The following ACACA variants were observed in gnomAD, a reference collection of about 807,000 sequenced individuals.
ACACA encodes acetyl-CoA carboxylase alpha.
Under a neutral mutation model 296.1 loss-of-function variants are expected in ACACA, and 103 were observed. The ratio of observed to expected loss-of-function variants is 0.35; its 90% CI spans 0.30 to 0.41. ACACA has a LOEUF of 0.41. Among genes scored for constraint, ACACA ranks in the 10% least tolerant of loss-of-function variants. ACACA has a pLI of 1.00. For synonymous variants in ACACA, 953 were observed against 1,038.6 expected, an observed-to-expected ratio of 0.92 and a Z score of 1.58; for missense variants, 1,554 against 2,989.7, an observed-to-expected ratio of 0.52 and a Z score of 11.20.
At chr17:37,130,834 C>A (rs1398709519) in intron 45 of ACACA, among the ~76,000 whole-genome samples, 1 of 152,048 alleles carries the variant, frequency 6.6e-6, no homozygotes, top group African/African-American at 2.4e-5. Context: ...AGTGACAAGT[C>A]TCAGTTAAAG....
chr17:37,368,983 T>G (rs979823740), intron 1 of ACACA, among the ~76,000 whole-genome samples: 6 of 152,126 alleles, frequency 3.9e-5, no homozygotes, highest in African/African-American at 1.4e-4. Context: ...CTGGAGAAAC[T>G]TTCAAAACTG....
At chr17:37,112,204 C>A (rs1415590038) in intron 51 of ACACA, among the ~76,000 whole-genome samples, 1 of 152,102 alleles carries the variant, frequency 6.6e-6, no homozygotes, top group Non-Finnish European at 1.5e-5. Context: ...AGTCAAAGGT[C>A]TCAGGGTTAC....
chr17:37,287,204 A>G (rs2082816246), intron 3 of ACACA, among the ~76,000 whole-genome samples: 1 of 152,194 alleles, frequency 6.6e-6, no homozygotes, highest in South Asian at 2.1e-4. Flanking sequence ...TTGATGGGGC[A>G]GTAAGGTGTC....
chr17:37,362,722 G>A (rs2049449035), intron 1 of ACACA, among the ~76,000 whole-genome samples: 1 of 152,178 alleles, frequency 6.6e-6, no homozygotes. Flanking sequence ...TGTAATCCCA[G>A]CACTTTGGGA....
intron 1 of ACACA, among the ~76,000 whole-genome samples, chr17:37,368,215 T>C (rs986596292): frequency 6.6e-6 from 1 of 152,224 alleles, no homozygotes; most frequent in African/African-American, 2.4e-5. Context: ...GAGGTTGCAG[T>C]GAGCCGTGTT....
At chr17:37,355,332 T>C (rs1043340428) in intron 1 of ACACA, among the ~76,000 whole-genome samples, 3 of 151,114 alleles carry the variant, frequency 2.0e-5, no homozygotes, top group African/African-American at 4.9e-5. Flanking sequence ...CCGAAGTGGG[T>C]GGATCACAAG....
intron 1 of ACACA, among the ~76,000 whole-genome samples, chr17:37,356,066 G>T (rs531238075): frequency 2.0e-5 from 3 of 151,892 alleles, no homozygotes; most frequent in African/African-American, 7.3e-5. Context: ...AGCTACTCAG[G>T]GGGGTGAGGC....
chr17:37,276,549 A>G (rs2146484832), intron 7 of ACACA, among the ~76,000 whole-genome samples: 1 of 152,294 alleles, frequency 6.6e-6, no homozygotes, highest in East Asian at 1.9e-4. Context: ...GAGCTATATA[A>G]CCTCTGTTTT....
Position 37,213,271 on chromosome 17 carries a change from G to A in ACACA, c.3684-2781C>T, listed in dbSNP as rs147041617. On this transcript the variant is annotated intron_variant, in intron 29 of 55. Transcript: ENST00000616317. Reference sequence around the variant, plus strand: ...CTCCGAAGGTTGAGGTGGAAGGATCGCTTGAGCCAGGAGGCTGAGGTTGCA... The same window carrying A: ...CTCCGAAGGTTGAGGTGGAAGGATCACTTGAGCCAGGAGGCTGAGGTTGCA... 8.8e-3 allele frequency among the ~76,000 whole-genome samples: 1,322 copies of A among 150,100 alleles called. 17 individuals carry two copies. The highest frequency in any genetic ancestry group is 0.012 in the Non-Finnish European group (840 of 67,732).
At chr17:37,339,158 A>T (rs1482133886) in intron 2 of ACACA, among the ~76,000 whole-genome samples, 1 of 152,250 alleles carries the variant, frequency 6.6e-6, no homozygotes, top group Non-Finnish European at 1.5e-5. Context: ...ATAAAATCCC[A>T]TCCCAACTAA....
At chr17:37,397,030 C>T (rs1374400155) in intron 1 of ACACA, among the ~76,000 whole-genome samples, 2 of 151,986 alleles carry the variant, frequency 1.3e-5, no homozygotes, top group Non-Finnish European at 2.9e-5. Context: ...AATGCTATCC[C>T]TCCCCCATCC....
rs537039456 is a variant in ACACA at position 37,122,745 on chromosome 17, G to A, written c.6042-118C>T. The A allele has an allele frequency of 6.1e-6, 5 of 822,726 alleles. No individual in the cohort carries two copies. In the South Asian group the frequency reaches 6.9e-5, roughly 11 times the overall value. 51.0% of individuals were successfully genotyped at this position (822,726 alleles called of 1,614,324 possible). ...AAACTAGAAACAAACACAGAGAGCA[G>A]GGGAAATCTGATTCTTCTATGAGTT... is the stretch of plus-strand genomic sequence containing the variant. On this transcript the variant is annotated intron_variant, in intron 48 of 55. Coordinates refer to ENST00000616317, the MANE Select transcript of ACACA (RefSeq NM_198834.3).
At chr17:37,394,021 G>C (rs754170709) in intron 1 of ACACA, among the ~76,000 whole-genome samples, 24 of 152,070 alleles carry the variant, frequency 1.6e-4, no homozygotes, top group Non-Finnish European at 2.2e-4. Context: ...TAAAAACAGA[G>C]ATGGGAGAGA....
rs959231402 is a variant in ACACA at position 37,252,121 on chromosome 17, A to C, written c.1978-13T>G. ...CAGGTCGCTCAGCCTGAAAGGAGGA[A>C]AAAGAGGGCAGATCAAATGCATGGT... On this transcript the variant is annotated splice_polypyrimidine_tract_variant and intron_variant, in intron 15 of 55. Transcript: ENST00000616317. 3.7e-6 allele frequency: 6 copies of C among 1,610,738 alleles called. No homozygotes were observed. In the Admixed American group the frequency reaches 6.7e-5, roughly 18 times the overall value.
chr17:37,170,554 T>A (rs972229312), intron 41 of ACACA, among the ~76,000 whole-genome samples: 1 of 152,162 alleles, frequency 6.6e-6, no homozygotes, highest in African/African-American at 2.4e-5. Context: ...TGATTAGGAT[T>A]CTGCCCTGAG....
At chr17:37,320,268 T>G (rs1448005790) in intron 3 of ACACA, among the ~76,000 whole-genome samples, 1 of 151,916 alleles carries the variant, frequency 6.6e-6, no homozygotes, top group Non-Finnish European at 1.5e-5. Flanking sequence ...TCCTAGCACT[T>G]TGGGAGGCTG....
chr17:37,297,795 C>T (rs561461491), intron 3 of ACACA, among the ~76,000 whole-genome samples: 2 of 152,040 alleles, frequency 1.3e-5, no homozygotes, highest in African/African-American at 2.4e-5. Context: ...AGGTGATCCA[C>T]CCGCCTTGGC....
intron 50 of ACACA, among the ~76,000 whole-genome samples, chr17:37,120,584 C>A (rs1375059204): frequency 6.6e-6 from 1 of 152,122 alleles, no homozygotes; most frequent in Non-Finnish European, 1.5e-5. Flanking sequence ...TGCTTTAGAA[C>A]CCCAAATTCT....
At chr17:37,183,672 CA>C (rs959828851) in intron 39 of ACACA, among the ~76,000 whole-genome samples, 14 of 150,526 alleles carry the variant, frequency 9.3e-5, no homozygotes, top group Admixed American at 2.0e-4. Context: ...ACTAAAAATA[CA>C]AAAAAAAGGC....
Sources: gnomAD v4.1 joint callset for allele counts (sites outside exome capture counted in the v4.1 genomes callset) on GRCh38, gnomAD v4.1.1 for gene constraint, MANE v1.5 for transcripts, NCBI Gene and HGNC (gene_info 2026-07-23, HGNC 2026-07-21) for gene names.